RBFOX3: variants seen among roughly 807,000 people sequenced by gnomAD.
The protein encoded by RBFOX3 is RNA binding protein fox-1 homolog 3.
In RBFOX3, 17 loss-of-function variants were observed where a neutral mutation model predicts 48.7. The observed-to-expected ratio is 0.35, with a 90% CI of 0.24 to 0.52. The LOEUF is 0.52. RBFOX3 is among the 20% of genes least tolerant of loss of function. RBFOX3 has a pLI of 0.94. For synonymous variants in RBFOX3, 212 were observed against 209.5 expected (o/e 1.01, Z -0.10); for missense variants, 382 against 497.5 (o/e 0.77, Z 2.21).
intron 1 of RBFOX3, among the ~76,000 whole-genome samples, chr17:79,606,876 A>C (rs2093843198): frequency 6.6e-6 from 1 of 151,692 alleles, no homozygotes; most frequent in Non-Finnish European, 1.5e-5. Flanking sequence ...CTCAGAAAGC[A>C]CAGGAGGAAA....
At chr17:79,101,245 G>A (rs1334930440) in intron 9 of RBFOX3, among the ~76,000 whole-genome samples, 1 of 152,172 alleles carries the variant, frequency 6.6e-6, no homozygotes, top group Non-Finnish European at 1.5e-5. Context: ...CTGGCCCTGG[G>A]GGAAAGTCAG....
intron 1 of RBFOX3, among the ~76,000 whole-genome samples, chr17:79,548,456 G>A (rs1234466019): frequency 2.6e-5 from 4 of 152,248 alleles, no homozygotes; most frequent in East Asian, 1.9e-4. Flanking sequence ...TGGCAGCCCC[G>A]TGGCACGGCT....
At chr17:79,665,061 T>A in the RBFOX3 span, among the ~76,000 whole-genome samples, 1 of 152,180 alleles carries the variant, frequency 6.6e-6, no homozygotes, top group African/African-American at 2.4e-5. Context: ...CTGACACTCC[T>A]TGATCCGGCA....
intron 4 of RBFOX3, among the ~76,000 whole-genome samples, chr17:79,156,009 C>A (rs1000982786): frequency 2.0e-5 from 3 of 152,226 alleles, no homozygotes; most frequent in Non-Finnish European, 4.4e-5. Context: ...CCTGGCCCCT[C>A]CAGGTGGGCA....
chr17:79,128,031 C>T (rs751270032), intron 4 of RBFOX3, among the ~76,000 whole-genome samples: 9 of 152,336 alleles, frequency 5.9e-5, no homozygotes, highest in East Asian at 1.9e-4. Context: ...ACACACCATG[C>T]GACCGCTCAG....
At chr17:79,295,230 C>T (rs1244352601) in intron 3 of RBFOX3, among the ~76,000 whole-genome samples, 1 of 152,182 alleles carries the variant, frequency 6.6e-6, no homozygotes, top group African/African-American at 2.4e-5. Context: ...TGTGTCCTCA[C>T]TAAATCCACA....
intron 1 of RBFOX3, among the ~76,000 whole-genome samples, chr17:79,508,424 C>T (rs2083501450): frequency 6.6e-6 from 1 of 152,188 alleles, no homozygotes; most frequent in Non-Finnish European, 1.5e-5. Flanking sequence ...GGCTGGGCCG[C>T]CGCCCACCGC....
At chr17:79,648,422 C>T in the RBFOX3 span, among the ~76,000 whole-genome samples, 4 of 152,220 alleles carry the variant, frequency 2.6e-5, no homozygotes, top group Admixed American at 2.0e-4. Context: ...GGTTTGCATC[C>T]TGCTCTCCAG....
At chr17:79,139,307 AG>A (rs2041412125) in intron 4 of RBFOX3, among the ~76,000 whole-genome samples, 1 of 151,746 alleles carries the variant, frequency 6.6e-6, no homozygotes, top group South Asian at 2.1e-4. Context: ...ACCCCAGAGG[AG>A]GAAGAGCTTG....
intron 1 of RBFOX3, chr17:79,602,153 AAGGCTTTAATGGTAAGGAAAAGGGTAAC>A (rs1429667368): frequency 6.6e-6 from 1 of 152,210 alleles, no homozygotes; most frequent in African/African-American, 2.4e-5. Context: ...ACAACGTCAC[AAGGCTTTAATGGTAAGGAAAAGGGTAAC>A]AGGCTCCCCC....
chr17:79,113,630 G>A (rs181975259), intron 5 of RBFOX3, among the ~76,000 whole-genome samples: 1 of 152,162 alleles, frequency 6.6e-6, no homozygotes, highest in Non-Finnish European at 1.5e-5. Flanking sequence ...CCTCCTGGTT[G>A]GAGAGTACTT....
intron 2 of RBFOX3, among the ~76,000 whole-genome samples, chr17:79,447,916 CTTG>C (rs1292529991): frequency 1.7e-4 from 26 of 152,282 alleles, no homozygotes; most frequent in Admixed American, 5.2e-4. Flanking sequence ...AGATTTCCCT[CTTG>C]TTGTTCTCAT....
intron 3 of RBFOX3, among the ~76,000 whole-genome samples, chr17:79,278,432 AGT>A (rs952488931): frequency 2.0e-5 from 3 of 151,986 alleles, no homozygotes; most frequent in Non-Finnish European, 4.4e-5. Flanking sequence ...CTGCTCCCAG[AGT>A]GGGGGAGGTT....
intron 2 of RBFOX3, among the ~76,000 whole-genome samples, chr17:79,333,516 G>GAGTATAA (rs1217557444): frequency 4.6e-5 from 7 of 152,190 alleles, no homozygotes; most frequent in Non-Finnish European, 8.8e-5. Context: ...CATTGCTTCA[G>GAGTATAA]AGGCTGCAAG....
chr17:79,143,250 C>T (rs1432453948), intron 4 of RBFOX3, among the ~76,000 whole-genome samples: 2 of 152,148 alleles, frequency 1.3e-5, no homozygotes, highest in Non-Finnish European at 2.9e-5. Context: ...CGAGTCCACC[C>T]CGTTCTCTGC....
intron 4 of RBFOX3, among the ~76,000 whole-genome samples, chr17:79,184,128 T>A (rs567761674): frequency 6.6e-6 from 1 of 152,296 alleles, no homozygotes; most frequent in African/African-American, 2.4e-5. Context: ...TCCGAGGGCA[T>A]CTACGCAGAG....
At chr17:79,478,564 G>A (rs888647783) in intron 2 of RBFOX3, among the ~76,000 whole-genome samples, 7 of 152,194 alleles carry the variant, frequency 4.6e-5, no homozygotes, top group Non-Finnish European at 1.0e-4. Context: ...AGAGACAACC[G>A]GCCACATTCC....
intron 2 of RBFOX3, among the ~76,000 whole-genome samples, chr17:79,354,876 C>A (rs888902355): frequency 1.3e-5 from 2 of 152,206 alleles, no homozygotes; most frequent in African/African-American, 4.8e-5. Flanking sequence ...GCAAGGTATC[C>A]TTGATCCTTC....
Position 79,238,598 on chromosome 17 carries a change from C to T in RBFOX3, c.-73-2793G>A, listed in dbSNP as rs576827945. Among the ~76,000 whole-genome samples, 68 of 152,360 alleles carry T rather than the reference C, an allele frequency of 4.5e-4. 1 individual carries two copies. The highest frequency in any genetic ancestry group is 3.4e-3 in the Middle Eastern group (1 of 294). On this transcript the variant is annotated intron_variant, in intron 3 of 14. Transcript: ENST00000693108. ...GGAATTCCCAGTCTTTAGGCCACATCAGCCCAGATGGGAGCTGGCAGAGTA... is the reference window on the plus strand; with the variant it reads ...GGAATTCCCAGTCTTTAGGCCACATTAGCCCAGATGGGAGCTGGCAGAGTA...
Sources: allele counts gnomAD v4.1 joint callset (sites outside exome capture counted in the v4.1 genomes callset), GRCh38; gene constraint gnomAD v4.1.1; transcripts MANE v1.5; gene names NCBI Gene and HGNC (gene_info 2026-07-23, HGNC 2026-07-21).